RFX4: variants seen among roughly 807,000 people sequenced by gnomAD.
RFX4 encodes regulatory factor X4, also known as transcription factor RFX4.
In RFX4, 10 loss-of-function variants were observed where a neutral mutation model predicts 95.0. The observed-to-expected ratio is 0.11, with a 90% CI of 0.06 to 0.18. RFX4 has a LOEUF of 0.18. Among genes scored for constraint, RFX4 ranks in the 10% least tolerant of loss-of-function variants. The pLI, the probability that RFX4 is intolerant of heterozygous loss-of-function variation, is 1.00. For synonymous variants in RFX4, 321 were observed against 340.7 expected, an observed-to-expected ratio of 0.94 and a Z score of 0.64; for missense variants, 640 against 922.0, an observed-to-expected ratio of 0.69 and a Z score of 3.96.
At chr12:106,610,623 G>A (rs183220565) in intron 2 of RFX4, among the ~76,000 whole-genome samples, 4 of 152,296 alleles carry the variant, frequency 2.6e-5, no homozygotes, top group Admixed American at 2.6e-4. Context: ...GTTAATCCAT[G>A]TTGTAGCATG....
intron 4 of RFX4, among the ~76,000 whole-genome samples, chr12:106,673,353 G>C (rs2041323312): frequency 6.6e-6 from 1 of 152,176 alleles, no homozygotes; most frequent in Admixed American, 6.5e-5. Context: ...TTGAGGTTGA[G>C]CTCTTGCCCT....
At chr12:106,721,256 AC>A (rs1394454645) in intron 13 of RFX4, among the ~76,000 whole-genome samples, 2 of 152,220 alleles carry the variant, frequency 1.3e-5, no homozygotes, top group Non-Finnish European at 2.9e-5. Flanking sequence ...GAGTTTGAAC[AC>A]TTGCAAATGG....
At chr12:106,628,951 G>T (rs1371982276) in intron 2 of RFX4, among the ~76,000 whole-genome samples, 1 of 151,938 alleles carries the variant, frequency 6.6e-6, no homozygotes, top group East Asian at 1.9e-4. Flanking sequence ...TAGAGGCAAG[G>T]TCTTGCCGTG....
chr12:106,656,501 G>GT (rs1161087850), intron 4 of RFX4, among the ~76,000 whole-genome samples: 6 of 152,264 alleles, frequency 3.9e-5, no homozygotes, highest in African/African-American at 1.2e-4. Context: ...TGTAGGAGAG[G>GT]TTTACATCCC....
At chr12:106,730,433 G>T (rs1339296753) in intron 13 of RFX4, among the ~76,000 whole-genome samples, 2 of 152,110 alleles carry the variant, frequency 1.3e-5, no homozygotes, top group Non-Finnish European at 2.9e-5. Context: ...TGACTTATAG[G>T]GGAATGGGAA....
Position 106,762,745 on chromosome 12 carries a change from T to G in RFX4, c.*1276T>G, listed in dbSNP as rs2043225876. On this transcript the variant is annotated 3_prime_UTR_variant, in exon 18 of 18. Transcript: ENST00000392842. ...TACAGCTAAAATGGAAATAGTTTTA[T>G]CTGTACAGTTGTGCAAGATATGAAT... 1 of 152,118 alleles carries G rather than the reference T, an allele frequency of 6.6e-6. No individual in the cohort carries two copies. Among genetic ancestry groups the G allele is most frequent in the African/African-American group, 2.4e-5 (1 of 41,282 alleles). The allele number at this position is 152,118 out of a possible 1,614,324, so 9.4% of individuals were successfully genotyped here.
intron 15 of RFX4, among the ~76,000 whole-genome samples, chr12:106,734,141 T>C (rs553584292): frequency 4.6e-5 from 7 of 152,178 alleles, no homozygotes; most frequent in Non-Finnish European, 8.8e-5. Flanking sequence ...ACACAGTGAA[T>C]GGAATGGTGA....
At chr12:106,761,096 C>T in intron 17 of RFX4, 101 bp from the exon 18 acceptor site, 1 of 1,238,742 alleles carries the variant, frequency 8.1e-7, no homozygotes. Context: ...TCATTAATAG[C>T]ATCTTAAGAA....
At chr12:106,708,309 T>G (rs1453059875) in intron 8 of RFX4, among the ~76,000 whole-genome samples, 1 of 151,080 alleles carries the variant, frequency 6.6e-6, no homozygotes, top group African/African-American at 2.4e-5. Flanking sequence ...AGCTGAGTGC[T>G]GATGACGTCC....
At chr12:106,594,655 G>T (rs143587101) in intron 1 of RFX4, among the ~76,000 whole-genome samples, 65 of 152,260 alleles carry the variant, frequency 4.3e-4, no homozygotes, top group African/African-American at 1.4e-3. Flanking sequence ...GGGCAGCCTC[G>T]CACAGAGGCC....
chr12:106,607,690 A>T (rs1441363390), intron 1 of RFX4, among the ~76,000 whole-genome samples: 1 of 152,172 alleles, frequency 6.6e-6, no homozygotes, highest in Non-Finnish European at 1.5e-5. Context: ...TATCACTTGC[A>T]TTGGGACGCA....
intron 4 of RFX4, among the ~76,000 whole-genome samples, chr12:106,679,201 T>C (rs2041453505): frequency 6.6e-6 from 1 of 152,220 alleles, no homozygotes; most frequent in Admixed American, 6.5e-5. Flanking sequence ...CTCACACCTG[T>C]AATCCCAGCA....
intron 3 of RFX4, among the ~76,000 whole-genome samples, chr12:106,652,448 C>A (rs563820092): frequency 1.8e-4 from 27 of 152,224 alleles, no homozygotes; most frequent in African/African-American, 6.0e-4. Context: ...CTTACTGAGC[C>A]CCTACTGTGT....
chr12:106,742,725 C>A (rs1229537265), intron 15 of RFX4, among the ~76,000 whole-genome samples: 1 of 152,164 alleles, frequency 6.6e-6, no homozygotes, highest in Non-Finnish European at 1.5e-5. Flanking sequence ...TGGGGTTGGG[C>A]AGACCTGCAT....
At chr12:106,743,401 C>T (rs968109603) in intron 15 of RFX4, among the ~76,000 whole-genome samples, 4 of 152,030 alleles carry the variant, frequency 2.6e-5, no homozygotes, top group Non-Finnish European at 5.9e-5. Context: ...TTTTCTGCTC[C>T]CCAGGCAAAA....
At chr12:106,686,107 T>C (rs1168104046) in intron 5 of RFX4, among the ~76,000 whole-genome samples, 4 of 152,312 alleles carry the variant, frequency 2.6e-5, no homozygotes, top group Middle Eastern at 3.4e-3. Context: ...CTACCATTTA[T>C]TGATTAAGAA....
rs761752493 is a variant in RFX4, at chr12:106,720,484, G to A, written c.1234-275G>A. ...GCAGCCTTGACCTCCCCAGGCTCAT[G>A]TGATCCTCCCACCTCAGCCTCCTGA... On this transcript the variant is annotated intron_variant, in intron 12 of 17. Transcript: ENST00000392842. The surrounding 1 kb of genome is among the most constrained non-coding windows in gnomAD (Gnocchi z 4.2). Among the ~76,000 whole-genome samples the A allele has an allele frequency of 2.6e-5, 4 of 152,146 alleles. No homozygotes were observed. The highest frequency in any genetic ancestry group is 4.4e-5 in the Non-Finnish European group (3 of 68,038).
intron 3 of RFX4, among the ~76,000 whole-genome samples, chr12:106,643,416 A>G (rs900025213): frequency 6.6e-6 from 1 of 152,240 alleles, no homozygotes; most frequent in Non-Finnish European, 1.5e-5. Context: ...CATAAGCAGT[A>G]GGGAAAAGAA....
At chr12:106,761,055 T>C (rs889013676) in intron 17 of RFX4, 142 bp from the exon 18 acceptor site, 2 of 926,456 alleles carry the variant, frequency 2.2e-6, no homozygotes, top group East Asian at 2.4e-5. Flanking sequence ...TTCAGTCTTG[T>C]AGAAGTTCAG....
Sources: allele counts gnomAD v4.1 joint callset (sites outside exome capture counted in the v4.1 genomes callset), GRCh38; gene constraint gnomAD v4.1.1; non-coding constraint Gnocchi (gnomAD v3.1); transcripts MANE v1.5; gene names NCBI Gene and HGNC (gene_info 2026-07-23, HGNC 2026-07-21).